SLC25A21: variants seen among roughly 807,000 people sequenced by gnomAD.
The protein encoded by SLC25A21 is solute carrier family 25 member 21.
SLC25A21 carries 47 observed loss-of-function variants against 43.8 expected under a neutral mutation model. The observed-to-expected ratio is 1.07, with a 90% CI of 0.85 to 1.37. The LOEUF is 1.37. SLC25A21 is among the 40% of genes most tolerant of loss of function. The pLI is 0.00. For synonymous variants in SLC25A21, 131 were observed against 121.3 expected (o/e 1.08, Z -0.52); for missense variants, 352 against 350.2 (o/e 1.00, Z -0.04).
chr14:36,678,900 C>CT lies in SLC25A21; in HGVS notation c.*1757dup. The CT allele has an allele frequency of 1.0e-6, 1 of 977,510 alleles. No homozygotes were observed. Among genetic ancestry groups the CT allele is most frequent in the African/African-American group, 1.7e-5 (1 of 57,204 alleles). The allele number at this position is 977,510 out of a possible 1,614,324, so 60.6% of individuals were successfully genotyped here. On this transcript the variant is annotated 3_prime_UTR_variant, in exon 10 of 10. Transcript: ENST00000331299. Reference sequence around the variant, plus strand: ...CAAAGAAAATTATGATTTAAAGCCACTTTTTAAAATACGAGAAGGAAAATA... The same window carrying CT: ...CAAAGAAAATTATGATTTAAAGCCACTTTTTTAAAATACGAGAAGGAAAATA...
intron 1 of SLC25A21, among the ~76,000 whole-genome samples, chr14:37,118,146 G>A (rs1373459210): frequency 6.6e-6 from 1 of 152,010 alleles, no homozygotes. Context: ...TTATTCCAGA[G>A]GTCACAATAT....
At chr14:36,920,495 T>C (rs1039768354) in intron 1 of SLC25A21, among the ~76,000 whole-genome samples, 16 of 152,018 alleles carry the variant, frequency 1.1e-4, no homozygotes, top group Admixed American at 2.0e-4. Context: ...GGATTCCACA[T>C]ATTGAGAAGG....
intron 1 of SLC25A21, among the ~76,000 whole-genome samples, chr14:37,101,355 C>G (rs1412049756): frequency 6.6e-6 from 1 of 152,202 alleles, no homozygotes; most frequent in South Asian, 2.1e-4. Context: ...AACTCACTCC[C>G]TTTGCAAGTC....
chr14:37,171,292 CATA>C (rs1401353182), intron 1 of SLC25A21, among the ~76,000 whole-genome samples: 2 of 152,270 alleles, frequency 1.3e-5, no homozygotes, highest in Non-Finnish European at 2.9e-5. Flanking sequence ...TAGATCATGA[CATA>C]ATGATAACCA....
chr14:37,048,470 T>C (rs1440798260), intron 1 of SLC25A21, among the ~76,000 whole-genome samples: 1 of 145,414 alleles, frequency 6.9e-6, no homozygotes, highest in Admixed American at 6.8e-5. Context: ...CTTCCTGGTT[T>C]TGCAGTTAAA....
intron 1 of SLC25A21, among the ~76,000 whole-genome samples, chr14:36,923,719 C>T (rs925270849): frequency 6.6e-6 from 1 of 152,064 alleles, no homozygotes; most frequent in Non-Finnish European, 1.5e-5. Context: ...TCCTCAGATT[C>T]AACCAACTGC....
chr14:36,818,229 G>T (rs1180873054), intron 2 of SLC25A21, among the ~76,000 whole-genome samples: 1 of 152,196 alleles, frequency 6.6e-6, no homozygotes, highest in African/African-American at 2.4e-5. Context: ...AAGGGAAAGG[G>T]AGAGGGGAAA....
At chr14:36,980,760 C>A (rs1360580177) in intron 1 of SLC25A21, among the ~76,000 whole-genome samples, 2 of 152,200 alleles carry the variant, frequency 1.3e-5, no homozygotes, top group African/African-American at 4.8e-5. Context: ...CTAGGCAATA[C>A]CATTCCGGAC....
chr14:36,696,236 C>A (rs1483857323), intron 7 of SLC25A21, among the ~76,000 whole-genome samples: 2 of 152,148 alleles, frequency 1.3e-5, no homozygotes, highest in Non-Finnish European at 2.9e-5. Flanking sequence ...GTTGAACCAG[C>A]CTTGCATCCT....
intron 1 of SLC25A21, among the ~76,000 whole-genome samples, chr14:36,896,457 T>C (rs1891241620): frequency 1.3e-5 from 2 of 152,210 alleles, no homozygotes; most frequent in Non-Finnish European, 2.9e-5. Flanking sequence ...ATGGGTTTCC[T>C]GAATACAGCA....
At chr14:37,061,131 G>A (rs552564506) in intron 1 of SLC25A21, among the ~76,000 whole-genome samples, 18 of 152,278 alleles carry the variant, frequency 1.2e-4, no homozygotes, top group Admixed American at 3.3e-4. Context: ...TATGGTAACA[G>A]TCCCTGAACT....
chr14:36,819,170 T>C (rs1453742926), intron 2 of SLC25A21, among the ~76,000 whole-genome samples: 2 of 152,130 alleles, frequency 1.3e-5, no homozygotes, highest in East Asian at 3.9e-4. Flanking sequence ...CTAGGCTGCA[T>C]TGCAAAGGAG....
chr14:37,080,913 C>G (rs2138838032), intron 1 of SLC25A21, among the ~76,000 whole-genome samples: 1 of 152,232 alleles, frequency 6.6e-6, no homozygotes, highest in Non-Finnish European at 1.5e-5. Context: ...ATACAATTGT[C>G]TTTGGCTAAT....
chr14:37,036,475 C>T (rs576801996), intron 1 of SLC25A21, among the ~76,000 whole-genome samples: 12 of 152,064 alleles, frequency 7.9e-5, no homozygotes, highest in Non-Finnish European at 1.3e-4. Context: ...TGGCTGGGTG[C>T]GGTGTTTCAC....
intron 1 of SLC25A21, among the ~76,000 whole-genome samples, chr14:36,893,143 G>C (rs1891128603): frequency 6.6e-6 from 1 of 152,164 alleles, no homozygotes; most frequent in Non-Finnish European, 1.5e-5. Flanking sequence ...CACAATGGTT[G>C]AACTAGTTTA....
intron 3 of SLC25A21, among the ~76,000 whole-genome samples, chr14:36,735,967 C>T (rs571585552): frequency 1.7e-3 from 211 of 121,284 alleles, no homozygotes; most frequent in African/African-American, 6.7e-3. Flanking sequence ...GACCGAGTCT[C>T]ACTCTGTCGC....
chr14:36,791,219 C>T (rs1160401945), intron 3 of SLC25A21, among the ~76,000 whole-genome samples: 1 of 152,088 alleles, frequency 6.6e-6, no homozygotes, highest in African/African-American at 2.4e-5. Flanking sequence ...CCAACGTATT[C>T]CCACTAGGCA....
chr14:36,916,296 G>A (rs1239244396), intron 1 of SLC25A21, among the ~76,000 whole-genome samples: 1 of 152,172 alleles, frequency 6.6e-6, no homozygotes, highest in East Asian at 1.9e-4. Flanking sequence ...GTCTCTTGAG[G>A]AGGTCACTTC....
intron 1 of SLC25A21, among the ~76,000 whole-genome samples, chr14:36,886,294 T>C (rs1890909997): frequency 6.6e-6 from 1 of 152,206 alleles, no homozygotes; most frequent in Non-Finnish European, 1.5e-5. Context: ...AAATTAATAT[T>C]ATACACACTG....
Sources: allele counts gnomAD v4.1 joint callset (sites outside exome capture counted in the v4.1 genomes callset), GRCh38; gene constraint gnomAD v4.1.1; transcripts MANE v1.5; gene names NCBI Gene and HGNC (gene_info 2026-07-23, HGNC 2026-07-21).